The following NACC1 variants were observed in gnomAD, a reference collection of about 807,000 sequenced individuals.
NACC1 encodes nucleus accumbens-associated protein 1.
A neutral mutation model predicts 41.7 loss-of-function variants in NACC1; 6 were observed. That is an observed-to-expected ratio of 0.14 (90% CI 0.08 to 0.28). The LOEUF (loss-of-function observed/expected upper bound fraction) is 0.28. NACC1 is among the 10% of genes least tolerant of loss of function. The pLI is 1.00. For synonymous variants in NACC1, 338 were observed against 330.6 expected, an observed-to-expected ratio of 1.02 and a Z score of -0.24; for missense variants, 434 against 763.7, an observed-to-expected ratio of 0.57 and a Z score of 5.09.
At chr19:13,118,247 G>C (rs1355503709), upstream of NACC1, 1 of 149,872 alleles carries the variant, frequency 6.7e-6, no homozygotes, top group Non-Finnish European at 1.5e-5. Flanking sequence ...CGGCAGCGCG[G>C]CTTGCGCTCG....
intron 1 of NACC1, among the ~76,000 whole-genome samples, chr19:13,124,379 G>A (rs1488397685): frequency 6.6e-6 from 1 of 151,938 alleles, no homozygotes; most frequent in African/African-American, 2.4e-5. Context: ...CAGCCTGGGC[G>A]ACAGAGGAAG....
chr19:13,136,100 G>T lies in NACC1; in HGVS notation c.893G>T (p.Arg298Leu), dbSNP rs766198300. 6 of 1,613,840 alleles carry T rather than the reference G, an allele frequency of 3.7e-6. No individual in the cohort carries two copies. In the Admixed American group the frequency reaches 5.0e-5, roughly 13 times the overall value. Residue 298 changes from arginine to leucine, a missense_variant, in exon 2 of 6, where the codon CGG becomes CTG. Arg to Leu is a moderately radical substitution (Grantham distance 102). This residue lies in a region of NACC1 where 234 missense variants were observed against 308.3 expected (regional missense o/e 0.76). Coordinates refer to ENST00000292431, the MANE Select transcript of NACC1 (RefSeq NM_052876.4). This position sits in a 1 kb window ranked among gnomAD's most constrained non-coding sequence, Gnocchi z 5.5. ...GAGGAGGGCATGGATGAGCAGTACC[G>T]GCAGATCTGCAACATGTACACCATG... is the stretch of plus-strand genomic sequence containing the variant. ...GGEEGMDEQY[R>L]QICNMYTMYS...
chr19:13,137,132 A>G lies in NACC1; in HGVS notation c.1121-139A>G. On this transcript the variant is annotated intron_variant, in intron 3 of 5. Transcript: ENST00000292431. The surrounding 1 kb of genome is among the most constrained non-coding windows in gnomAD (Gnocchi z 6.1). The stretch of plus-strand genomic sequence containing the variant: ...CCCTTGGTGGGTAGAGATGTAGGGG[A>G]GAAGGTCCCTGGGTGAGTTTTCTTG... 1 of 738,892 alleles carries G rather than the reference A, an allele frequency of 1.4e-6. No individual in the cohort carries two copies. The highest frequency in any genetic ancestry group is 2.3e-6 in the Non-Finnish European group (1 of 437,308). 45.8% of individuals were successfully genotyped at this position (738,892 alleles called of 1,614,324 possible). A position where few individuals can be genotyped will look rare whatever the true frequency, so the allele number is the denominator to read the frequency against.
Position 13,138,669 on chromosome 19 carries a change from A to C in NACC1, c.*263A>C. ...GGGGGAGTTCTGGCTCCCCAACCTA[A>C]CCCCTAGCCGTCATCTCCACACTCA... is the stretch of plus-strand genomic sequence containing the variant. On this transcript the variant is annotated 3_prime_UTR_variant, in exon 6 of 6. Coordinates refer to ENST00000292431, the MANE Select transcript of NACC1 (RefSeq NM_052876.4). The surrounding 1 kb of genome is among the most constrained non-coding windows in gnomAD (Gnocchi z 5.7). 1.9e-6 allele frequency: 1 copy of C among 519,616 alleles called. No individual in the cohort carries two copies. The allele number at this position is 519,616 out of a possible 1,614,324, so 32.2% of individuals were successfully genotyped here. A position where few individuals can be genotyped will look rare whatever the true frequency, so the allele number is the denominator to read the frequency against.
chr19:13,132,563 G>A (rs1290877714), intron 1 of NACC1, among the ~76,000 whole-genome samples: 1 of 152,038 alleles, frequency 6.6e-6, no homozygotes, highest in Non-Finnish European at 1.5e-5. Context: ...TTCCAGCTTT[G>A]CAAGGGGAGT....
chr19:13,133,804 G>T (rs538546758), intron 1 of NACC1, among the ~76,000 whole-genome samples: 98 of 152,204 alleles, frequency 6.4e-4, no homozygotes, highest in African/African-American at 2.2e-3. Context: ...GAGTGGAATC[G>T]CTGGGTCATA....
At chr19:13,121,806 G>T (rs1187799415) in intron 1 of NACC1, among the ~76,000 whole-genome samples, 1 of 152,136 alleles carries the variant, frequency 6.6e-6, no homozygotes, top group Non-Finnish European at 1.5e-5. Flanking sequence ...CTCCTAGGTT[G>T]CTCTCAGCAC....
intron 1 of NACC1, among the ~76,000 whole-genome samples, chr19:13,129,522 C>G (rs1007647162): frequency 1.3e-5 from 2 of 152,210 alleles, no homozygotes; most frequent in Non-Finnish European, 2.9e-5. Context: ...CAGCTCACCC[C>G]TGTCCACTCT....
rs1322893808 is a variant in NACC1 at position 13,138,653 on chromosome 19, C to A, written c.*247C>A. The stretch of plus-strand genomic sequence containing the variant: ...CACACACTCGTGCAGTGGGGGAGTT[C>A]TGGCTCCCCAACCTAACCCCTAGCC... On this transcript the variant is annotated 3_prime_UTR_variant, in exon 6 of 6. Coordinates refer to ENST00000292431, the MANE Select transcript of NACC1 (RefSeq NM_052876.4). The surrounding 1 kb of genome is among the most constrained non-coding windows in gnomAD (Gnocchi z 5.7). The A allele has an allele frequency of 3.5e-6, 2 of 569,494 alleles. No individual in the cohort carries two copies. 35.3% of individuals were successfully genotyped at this position (569,494 alleles called of 1,614,324 possible).
rs535428331 is a variant in NACC1, at chr19:13,138,290, A to G, written c.1468A>G (p.Thr490Ala). ...KVLKAEDDAY[T>A]TFISETGKIE... ...GCTCAAGGCTGAGGATGACGCCTAC[A>G]CCACCTTCATCAGTGAAACGGGCAA... Residue 490 changes from threonine (T) to alanine (A), a missense_variant, in exon 6 of 6, where the codon ACC becomes GCC. Transcript: ENST00000292431. This position sits in a 1 kb window ranked among gnomAD's most constrained non-coding sequence, Gnocchi z 5.7. The G allele has an allele frequency of 6.2e-7, 1 of 1,614,106 alleles. No individual in the cohort carries two copies. The highest frequency in any genetic ancestry group is 8.5e-7 in the Non-Finnish European group (1 of 1,180,040).
chr19:13,137,560 C>G lies in NACC1; in HGVS notation c.1309C>G (p.Leu437Val). The change falls in exon 5 of 6, where the codon CTC becomes GTC. Residue 437 changes from leucine (L) to valine (V), a missense_variant. Leu to Val is a conservative substitution (Grantham distance 32). Around this residue, in one of 4 missense-constraint regions of NACC1, gnomAD observed 70 missense variants for 206.9 expected, o/e 0.34. Transcript: ENST00000292431. The surrounding 1 kb of genome is among the most constrained non-coding windows in gnomAD (Gnocchi z 6.1). ...TCGGAAGCCCCTGGACAGCCGCGTG[C>G]TCCACGCTGTCAAGTGTGAGTGTTG... ...PRRKPLDSRV[L>V]HAVKYYCQNF... is the part of the protein sequence containing the mutation. 1 of 1,556,096 alleles carries G rather than the reference C, an allele frequency of 6.4e-7. No individual in the cohort carries two copies.
At chr19:13,122,367 ACT>A (rs2019506908) in intron 1 of NACC1, among the ~76,000 whole-genome samples, 1 of 151,646 alleles carries the variant, frequency 6.6e-6, no homozygotes, top group Admixed American at 6.6e-5. Flanking sequence ...CAGCCATGAG[ACT>A]CTGGGCAAAG....
At chr19:13,124,300 G>A (rs920404832) in intron 1 of NACC1, among the ~76,000 whole-genome samples, 3 of 152,042 alleles carry the variant, frequency 2.0e-5, no homozygotes, top group East Asian at 3.9e-4. Context: ...CTCAGGAGGC[G>A]GAGGCACGAG....
chr19:13,124,164 T>C (rs1035864026), intron 1 of NACC1, among the ~76,000 whole-genome samples: 4 of 152,128 alleles, frequency 2.6e-5, no homozygotes, highest in African/African-American at 9.7e-5. Flanking sequence ...TTTGGGAGGC[T>C]GAGGTGGGCG....
rs1447774449 is a variant in NACC1 at position 13,140,870 on chromosome 19, A to G, written c.*2464A>G. ...AAGGAATCTGAATGGAGAATCACCA[A>G]CCACCAGAGAAAAAAGACTGTGGGG... On this transcript the variant is annotated 3_prime_UTR_variant, in exon 6 of 6. Coordinates refer to ENST00000292431, the MANE Select transcript of NACC1 (RefSeq NM_052876.4). The surrounding 1 kb of genome is among the most constrained non-coding windows in gnomAD (Gnocchi z 4.0). 3 of 152,384 alleles carry G rather than the reference A, an allele frequency of 2.0e-5. No individual in the cohort carries two copies. Among genetic ancestry groups the G allele is most frequent in the African/African-American group, 7.3e-5 (3 of 41,294 alleles). The allele number at this position is 152,384 out of a possible 1,614,324, so 9.4% of individuals were successfully genotyped here. A position where few individuals can be genotyped will look rare whatever the true frequency, so the allele number is the denominator to read the frequency against.
At chr19:13,120,223 G>A (rs1041547492) in intron 1 of NACC1, among the ~76,000 whole-genome samples, 4 of 152,170 alleles carry the variant, frequency 2.6e-5, no homozygotes, top group Non-Finnish European at 5.9e-5. Flanking sequence ...GGAGCCAAGA[G>A]GTCAGGAGTC....
intron 1 of NACC1, among the ~76,000 whole-genome samples, chr19:13,120,867 C>T (rs1022648430): frequency 3.9e-5 from 6 of 152,190 alleles, no homozygotes; most frequent in African/African-American, 1.2e-4. Context: ...AACTGCTTTT[C>T]GGTGAGAACT....
Position 13,135,493 on chromosome 19 carries a change from G to A in NACC1, c.286G>A (p.Asp96Asn). ...GGGCCGGCTGAGCATGAACGTGGGC[G>A]ACCAGTTCCTGCTCATGTACACGGC... ...YTGRLSMNVG[D>N]QFLLMYTAGF... The change falls in exon 2 of 6, where the codon GAC becomes AAC. Residue 96 changes from aspartate to asparagine, a missense_variant. Coordinates refer to ENST00000292431, the MANE Select transcript of NACC1 (RefSeq NM_052876.4). The A allele has an allele frequency of 1.2e-6, 2 of 1,613,736 alleles. No homozygotes were observed. The highest frequency in any genetic ancestry group is 1.7e-6 in the Non-Finnish European group (2 of 1,179,950).
At chr19:13,122,199 C>T (rs1458449970) in intron 1 of NACC1, among the ~76,000 whole-genome samples, 1 of 152,152 alleles carries the variant, frequency 6.6e-6, no homozygotes. Flanking sequence ...GCCTCCTTGG[C>T]GAAGGTCTCA....
Sources: gnomAD v4.1 joint callset for allele counts (sites outside exome capture counted in the v4.1 genomes callset) on GRCh38, gnomAD v4.1.1 for gene constraint, gnomAD v4.1.1 regional missense constraint, Gnocchi (gnomAD v3.1) non-coding constraint, MANE v1.5 for transcripts, NCBI Gene and HGNC (gene_info 2026-07-23, HGNC 2026-07-21) for gene names.